ESRRB: variants seen among roughly 807,000 people sequenced by gnomAD.
ESRRB encodes the protein steroid hormone receptor ERR2.
In ESRRB, 16 loss-of-function variants were observed where a neutral mutation model predicts 46.0. The ratio of observed to expected loss-of-function variants is 0.35; its 90% CI spans 0.24 to 0.53. The LOEUF is 0.53. ESRRB is among the 20% of genes least tolerant of loss of function. The pLI is 0.93. For synonymous variants in ESRRB, 246 were observed against 259.6 expected (o/e 0.95, Z 0.50); for missense variants, 488 against 607.4 (o/e 0.80, Z 2.07).
chr14:76,383,755 A>T lies in ESRRB; in HGVS notation c.50+7304A>T, dbSNP rs1885108997. 5.9e-5 allele frequency among the ~76,000 whole-genome samples: 9 copies of T among 152,262 alleles called. No individual in the cohort carries two copies. The South Asian group carries it at 1.9e-3, about 32-fold the overall frequency. ...CATGATTAGTTGGGTAAAGTCCCAA[A>T]GCAGAATGCCTATAATTGGCCCCCC... On this transcript the variant is annotated intron_variant, in intron 1 of 6. Coordinates refer to ENST00000644823, the MANE Select transcript of ESRRB (RefSeq NM_001379180.1).
chr14:76,439,431 C>T lies in ESRRB; in HGVS notation c.141C>T (p.Gly47=). 1 of 1,613,532 alleles carries T rather than the reference C, an allele frequency of 6.2e-7. No individual in the cohort carries two copies. The highest frequency in any genetic ancestry group is 8.5e-7 in the Non-Finnish European group (1 of 1,179,880). ...IKTEPSSPSS[G]IDALSHHSPS... ...CTGAGCCGTCCAGCCCGTCCTCGGG[C>T]ATCGATGCCCTCAGCCACCACAGCC... The change falls in exon 2 of 7, where the codon GGC becomes GGT. Residue 47 remains glycine (G), a synonymous_variant. Coordinates refer to ENST00000644823, the MANE Select transcript of ESRRB (RefSeq NM_001379180.1).
chr14:76,332,959 TTA>T (rs1423650795), intron 1 of ESRRB, among the ~76,000 whole-genome samples: 1 of 32,614 alleles, frequency 3.1e-5, no homozygotes, highest in Admixed American at 6.1e-4. Context: ...TATATTTACA[TTA>T]TATATATTAT....
At chr14:76,472,913 T>C (rs925338129) in intron 3 of ESRRB, among the ~76,000 whole-genome samples, 3 of 152,200 alleles carry the variant, frequency 2.0e-5, no homozygotes, top group African/African-American at 7.2e-5. Context: ...ACCTGGCACA[T>C]AATTAGAATT....
upstream of ESRRB, among the ~76,000 whole-genome samples, chr14:76,374,628 C>G (rs969059187): frequency 7.9e-5 from 12 of 152,254 alleles, no homozygotes; most frequent in East Asian, 9.7e-4. Context: ...CACTGAGGTC[C>G]TGGTGAGAGA....
At chr14:76,385,807 C>T (rs1009902234) in intron 1 of ESRRB, among the ~76,000 whole-genome samples, 1 of 152,188 alleles carries the variant, frequency 6.6e-6, no homozygotes, top group Admixed American at 6.5e-5. Context: ...CTTGGTTTCC[C>T]TCCCCTTTCT....
At chr14:76,408,799 G>A (rs996986155) in intron 1 of ESRRB, among the ~76,000 whole-genome samples, 1 of 152,208 alleles carries the variant, frequency 6.6e-6, no homozygotes, top group East Asian at 1.9e-4. Flanking sequence ...CATGAAAGGT[G>A]TGAATGTTAC....
In ESRRB at chr14:76,394,975, T is replaced by C. The variant is rs59088587; in HGVS notation, c.50+18524T>C. On this transcript the variant is annotated intron_variant, in intron 1 of 6. Coordinates refer to ENST00000644823, the MANE Select transcript of ESRRB (RefSeq NM_001379180.1). ...TAGGAGGGAAGATGAGCTGGCCGTCTGGGCGAGGTGGCCTCCTTCACAGGT... is the reference window on the plus strand; with the variant it reads ...TAGGAGGGAAGATGAGCTGGCCGTCCGGGCGAGGTGGCCTCCTTCACAGGT... Among the ~76,000 whole-genome samples the C allele has an allele frequency of 1.8e-3, 267 of 152,330 alleles. 4 individuals are homozygous for C. The highest frequency in any genetic ancestry group is 0.014 in the East Asian group (73 of 5,184).
At chr14:76,467,872 A>T (rs1889185511) in intron 3 of ESRRB, among the ~76,000 whole-genome samples, 1 of 150,372 alleles carries the variant, frequency 6.7e-6, no homozygotes, top group African/African-American at 2.5e-5. Context: ...CCTCCTCCTC[A>T]CCTCACCTCC....
At chr14:76,404,847 C>G (rs1269733204) in intron 1 of ESRRB, among the ~76,000 whole-genome samples, 1 of 152,138 alleles carries the variant, frequency 6.6e-6, no homozygotes, top group Admixed American at 6.5e-5. Flanking sequence ...TTGTTGTGGG[C>G]AGTAAACTAT....
chr14:76,478,313 A>T (rs1889662172), intron 3 of ESRRB, among the ~76,000 whole-genome samples: 1 of 152,172 alleles, frequency 6.6e-6, no homozygotes, highest in African/African-American at 2.4e-5. Flanking sequence ...CCCTGTATTC[A>T]TCAAGTCTTT....
At chr14:76,444,450 G>A (rs1281905215) in intron 2 of ESRRB, among the ~76,000 whole-genome samples, 1 of 152,156 alleles carries the variant, frequency 6.6e-6, no homozygotes, top group Admixed American at 6.5e-5. Flanking sequence ...AGAACTCAGT[G>A]AGCATTCTTT....
chr14:76,397,002 C>T (rs1022816274), intron 1 of ESRRB, among the ~76,000 whole-genome samples: 5 of 152,194 alleles, frequency 3.3e-5, no homozygotes, highest in East Asian at 1.9e-4. Flanking sequence ...CCACGCCAGC[C>T]GCCCGGGCAC....
chr14:76,472,722 C>T (rs1338130992), intron 3 of ESRRB, among the ~76,000 whole-genome samples: 1 of 152,226 alleles, frequency 6.6e-6, no homozygotes, highest in African/African-American at 2.4e-5. Context: ...ACACAACTTC[C>T]AGAACCTCAG....
At chr14:76,384,389 G>A (rs1212370016) in intron 1 of ESRRB, among the ~76,000 whole-genome samples, 4 of 152,176 alleles carry the variant, frequency 2.6e-5, no homozygotes, top group South Asian at 2.1e-4. Flanking sequence ...GTAGCTGGAT[G>A]AGGGTGACCG....
intron 1 of ESRRB, among the ~76,000 whole-genome samples, chr14:76,321,733 C>T (rs768987032): frequency 6.6e-6 from 1 of 152,150 alleles, no homozygotes; most frequent in Non-Finnish European, 1.5e-5. Context: ...GTTTATCTCA[C>T]TTATCCTTGG....
intron 1 of ESRRB, among the ~76,000 whole-genome samples, chr14:76,388,311 T>TG (rs1453058108): frequency 1.3e-5 from 2 of 151,802 alleles, no homozygotes; most frequent in East Asian, 3.9e-4. Flanking sequence ...CCCAAGTAGC[T>TG]GGGACTATAG....
chr14:76,467,233 G>A lies in ESRRB; in HGVS notation c.577+4572G>A, dbSNP rs1472389180. On this transcript the variant is annotated intron_variant, in intron 3 of 6. Transcript: ENST00000644823. The stretch of plus-strand genomic sequence containing the variant: ...TGTTGGATTCAGGCTGGGTGCGGTG[G>A]CTCATGCCTGTAATCCCAGCACTTG... Among the ~76,000 whole-genome samples, 7 of 151,788 alleles carry A rather than the reference G, an allele frequency of 4.6e-5. No homozygotes were observed. The East Asian group carries it at 7.9e-4, about 17-fold the overall frequency.
At chr14:76,444,926 G>C (rs1330795191) in intron 2 of ESRRB, among the ~76,000 whole-genome samples, 1 of 152,156 alleles carries the variant, frequency 6.6e-6, no homozygotes, top group Non-Finnish European at 1.5e-5. Context: ...ACTTTGGGAG[G>C]CTGAGGCAGG....
At chr14:76,417,896 C>T (rs916199941) in intron 1 of ESRRB, among the ~76,000 whole-genome samples, 5 of 150,790 alleles carry the variant, frequency 3.3e-5, no homozygotes, top group African/African-American at 9.7e-5. Flanking sequence ...GCCAAGTGAG[C>T]GCCTCCTCTC....
Sources: allele counts gnomAD v4.1 joint callset (sites outside exome capture counted in the v4.1 genomes callset), GRCh38; gene constraint gnomAD v4.1.1; transcripts MANE v1.5; gene names NCBI Gene and HGNC (gene_info 2026-07-23, HGNC 2026-07-21).